Variants in SLC41A2 observed in about 807,000 individuals in gnomAD.
SLC41A2 encodes solute carrier family 41 member 2, also known as SLC41A1-like 1.
Under a neutral mutation model 58.3 loss-of-function variants are expected in SLC41A2, and 32 were observed. That is an observed-to-expected ratio of 0.55 (90% CI 0.41 to 0.74). The LOEUF is 0.74. Ranked by LOEUF, SLC41A2 falls within the 30% of genes least tolerant of loss-of-function variation. The pLI is 0.00. For missense variants in SLC41A2, 514 were observed against 680.6 expected, an observed-to-expected ratio of 0.76 and a Z score of 2.72; for synonymous variants, 190 against 235.0, an observed-to-expected ratio of 0.81 and a Z score of 1.75.
At chr12:104,950,131 G>A (rs1273030619) in intron 1 of SLC41A2, among the ~76,000 whole-genome samples, 1 of 152,144 alleles carries the variant, frequency 6.6e-6, no homozygotes, top group Admixed American at 6.5e-5. Context: ...TCTAAATGAG[G>A]AAGAATAAAT....
At chr12:104,833,936 C>T (rs2042124341) in intron 10 of SLC41A2, 2 of 816,856 alleles carry the variant, frequency 2.4e-6, no homozygotes, top group South Asian at 1.1e-4. Context: ...GTGAAAATTC[C>T]TCTAAATCAT....
chr12:104,839,547 A>C (rs909571806), intron 10 of SLC41A2, among the ~76,000 whole-genome samples: 1 of 146,586 alleles, frequency 6.8e-6, no homozygotes, highest in Non-Finnish European at 1.5e-5. Context: ...TCTGTCACCC[A>C]GGCTGGAGTG....
intron 1 of SLC41A2, among the ~76,000 whole-genome samples, chr12:104,930,242 C>T (rs2047002081): frequency 6.6e-6 from 1 of 152,134 alleles, no homozygotes; most frequent in East Asian, 1.9e-4. Flanking sequence ...ATTTTTGCCA[C>T]TTATAGGCTG....
intron 6 of SLC41A2, among the ~76,000 whole-genome samples, chr12:104,878,621 G>T (rs905114473): frequency 5.9e-5 from 9 of 152,092 alleles, no homozygotes; most frequent in African/African-American, 1.9e-4. Context: ...CTTCATCAAT[G>T]TCCCTACAAA....
At chr12:104,902,126 G>A (rs2045593675) in intron 3 of SLC41A2, among the ~76,000 whole-genome samples, 1 of 151,252 alleles carries the variant, frequency 6.6e-6, no homozygotes, top group South Asian at 2.1e-4. Flanking sequence ...AAGCATTATT[G>A]TTTTTGCACA....
chr12:104,884,127 T>C (rs987560903), intron 6 of SLC41A2, among the ~76,000 whole-genome samples: 1 of 152,220 alleles, frequency 6.6e-6, no homozygotes, highest in Non-Finnish European at 1.5e-5. Context: ...CAAGGCTCCA[T>C]GGGTGTGGGA....
chr12:104,928,649 T>G lies in SLC41A2; in HGVS notation c.-122A>C. On this transcript the variant is annotated 5_prime_UTR_variant, in exon 2 of 11. Coordinates refer to ENST00000258538, the MANE Select transcript of SLC41A2 (RefSeq NM_001352171.3). Reference sequence around the variant, plus strand: ...TGTTGACTTCATTGTGTAGAAAATATTTCCACTAATAAAAGATGTTCAGAA... The same window carrying G: ...TGTTGACTTCATTGTGTAGAAAATAGTTCCACTAATAAAAGATGTTCAGAA... The G allele has an allele frequency of 2.0e-6, 1 of 488,458 alleles. No homozygotes were observed. Among genetic ancestry groups the G allele is most frequent in the Non-Finnish European group, 3.4e-6 (1 of 294,428 alleles). The allele number at this position is 488,458 out of a possible 1,614,324, so 30.3% of individuals were successfully genotyped here. A position where few individuals can be genotyped will look rare whatever the true frequency, so the allele number is the denominator to read the frequency against.
chr12:104,946,962 C>T (rs1221541628), intron 1 of SLC41A2, among the ~76,000 whole-genome samples: 1 of 152,136 alleles, frequency 6.6e-6, no homozygotes, highest in Non-Finnish European at 1.5e-5. Context: ...ACATCTCCTT[C>T]ACTGGTTTAT....
intron 1 of SLC41A2, among the ~76,000 whole-genome samples, chr12:104,930,900 A>C (rs2047024553): frequency 6.6e-6 from 1 of 152,246 alleles, no homozygotes; most frequent in South Asian, 2.1e-4. Context: ...GGCCAGGGGG[A>C]TCCAGATGCA....
At chr12:104,877,508 A>G (rs2044107982) in intron 6 of SLC41A2, among the ~76,000 whole-genome samples, 1 of 152,188 alleles carries the variant, frequency 6.6e-6, no homozygotes, top group Admixed American at 6.5e-5. Flanking sequence ...AGAAAATCCT[A>G]AGCAATATTT....
intron 2 of SLC41A2, among the ~76,000 whole-genome samples, chr12:104,920,846 C>A (rs1353004454): frequency 1.3e-5 from 2 of 151,940 alleles, no homozygotes; most frequent in African/African-American, 4.8e-5. Flanking sequence ...ATGGCATGAA[C>A]CTGGGAAGCA....
At chr12:104,896,126 G>A (rs114061919) in intron 3 of SLC41A2, among the ~76,000 whole-genome samples, 2 of 152,168 alleles carry the variant, frequency 1.3e-5, no homozygotes, top group Non-Finnish European at 2.9e-5. Flanking sequence ...TCTTTCAAAT[G>A]ATCTATAGAT....
chr12:104,931,458 A>G (rs1322959659), intron 1 of SLC41A2, among the ~76,000 whole-genome samples: 2 of 152,224 alleles, frequency 1.3e-5, no homozygotes, highest in Non-Finnish European at 2.9e-5. Flanking sequence ...CTGAGTGCCT[A>G]CAAGATGCTG....
rs1023209664 is a variant in SLC41A2 at position 104,895,344 on chromosome 12, AC to A, written c.664del (p.Val222Ter). The A allele has an allele frequency of 6.2e-7, 1 of 1,610,690 alleles. No individual in the cohort carries two copies. The highest frequency in any genetic ancestry group is 8.5e-7 in the Non-Finnish European group (1 of 1,177,494). On this transcript the variant is annotated frameshift_variant and splice_region_variant, in exon 4 of 11. Transcript: ENST00000258538. LOFTEE classifies it high-confidence loss of function. ...GGGTGAATCCATCTTCCCAATATTT[AC>A]CTGTTAAAGTGGATATTTTCATGTA... ...MTLASRLSTA[V>X]NIGKMDSPIE...
chr12:104,804,406 AT>A lies in SLC41A2; in HGVS notation c.*745del, dbSNP rs2040821221. ...TGTCTCTACAAATGCATCTCAGGTTATATTCTGTTTTTGAAGATTACATTTT... is the reference window on the plus strand; with the variant it reads ...TGTCTCTACAAATGCATCTCAGGTTAATTCTGTTTTTGAAGATTACATTTT... On this transcript the variant is annotated 3_prime_UTR_variant, in exon 11 of 11. Transcript: ENST00000258538. The A allele has an allele frequency of 6.6e-6, 1 of 152,050 alleles. No homozygotes were observed. Among genetic ancestry groups the A allele is most frequent in the South Asian group, 2.1e-4 (1 of 4,826 alleles). 9.4% of individuals were successfully genotyped at this position (152,050 alleles called of 1,614,324 possible). A position where few individuals can be genotyped will look rare whatever the true frequency, so the allele number is the denominator to read the frequency against.
At chr12:104,938,106 CA>C (rs576207952) in intron 1 of SLC41A2, among the ~76,000 whole-genome samples, 89 of 139,892 alleles carry the variant, frequency 6.4e-4, no homozygotes, top group Admixed American at 1.1e-3. Context: ...TCCATACTAG[CA>C]AAAAAAAAAA....
At chr12:104,853,947 C>G (rs1258849785) in intron 8 of SLC41A2, among the ~76,000 whole-genome samples, 1 of 60,518 alleles carries the variant, frequency 1.7e-5, no homozygotes, top group African/African-American at 7.7e-5. Context: ...TTTAGTAGAA[C>G]TGAGGTCTCA....
chr12:104,838,605 T>G (rs1398844486), intron 10 of SLC41A2, among the ~76,000 whole-genome samples: 1 of 152,230 alleles, frequency 6.6e-6, no homozygotes, highest in Non-Finnish European at 1.5e-5. Context: ...TATTTGTTGA[T>G]ACTGAATTTC....
intron 5 of SLC41A2, among the ~76,000 whole-genome samples, chr12:104,887,893 T>A (rs914317632): frequency 6.6e-6 from 1 of 152,046 alleles, no homozygotes; most frequent in Non-Finnish European, 1.5e-5. Context: ...GGTCAAGTTA[T>A]CATAAAATTA....
Sources: allele counts gnomAD v4.1 joint callset (sites outside exome capture counted in the v4.1 genomes callset), GRCh38; gene constraint gnomAD v4.1.1; transcripts MANE v1.5; gene names NCBI Gene and HGNC (gene_info 2026-07-23, HGNC 2026-07-21).